Variants in DIAPH3 observed in about 807,000 individuals in gnomAD.
DIAPH3 encodes protein diaphanous homolog 3.
In DIAPH3, 117 loss-of-function variants were observed where a neutral mutation model predicts 144.3. The ratio of observed to expected loss-of-function variants is 0.81; its 90% CI spans 0.70 to 0.95. The LOEUF is 0.95. Ranked by LOEUF, DIAPH3 falls within the 40% of genes least tolerant of loss-of-function variation. The pLI is 0.00. For synonymous variants in DIAPH3, 519 were observed against 488.9 expected (o/e 1.06, Z -0.81); for missense variants, 1,421 against 1,412.7 (o/e 1.01, Z -0.09).
At chr13:60,023,307 T>C (rs2054151245) in intron 5 of DIAPH3, among the ~76,000 whole-genome samples, 1 of 152,222 alleles carries the variant, frequency 6.6e-6, no homozygotes, top group African/African-American at 2.4e-5. Context: ...TTGAGTTGTA[T>C]ATTTAAAGTT....
At chr13:60,123,932 T>C (rs538421988) in intron 2 of DIAPH3, among the ~76,000 whole-genome samples, 1 of 152,356 alleles carries the variant, frequency 6.6e-6, no homozygotes, top group Admixed American at 6.5e-5. Flanking sequence ...TATGTTCTAT[T>C]ACTTGACTTT....
intron 25 of DIAPH3, among the ~76,000 whole-genome samples, chr13:59,803,294 G>A (rs1371322672): frequency 1.3e-5 from 2 of 152,058 alleles, no homozygotes; most frequent in Non-Finnish European, 2.9e-5. Context: ...GATTTCTTTG[G>A]TAAAATTCTT....
intron 5 of DIAPH3, among the ~76,000 whole-genome samples, chr13:60,036,786 A>G (rs989995002): frequency 3.3e-5 from 5 of 152,128 alleles, no homozygotes; most frequent in Non-Finnish European, 5.9e-5. Flanking sequence ...TCTAAAAAAC[A>G]TATCCAGAAT....
intron 17 of DIAPH3, among the ~76,000 whole-genome samples, chr13:59,966,445 AAAGATTAAAC>A (rs891333398): frequency 6.6e-5 from 10 of 152,080 alleles, no homozygotes; most frequent in Non-Finnish European, 1.2e-4. Flanking sequence ...GAGATACACT[AAAGATTAAAC>A]AAGATAATAT....
chr13:60,008,677 T>A, intron 8 of DIAPH3, 28 bp from the exon 9 acceptor site: 1 of 1,414,858 alleles, frequency 7.1e-7, no homozygotes, highest in Non-Finnish European at 1.0e-6. Flanking sequence ...TCAATTAAAT[T>A]GCAAGTAGCA....
At chr13:59,730,285 G>C (rs2035832934) in intron 27 of DIAPH3, among the ~76,000 whole-genome samples, 1 of 152,122 alleles carries the variant, frequency 6.6e-6, no homozygotes, top group Admixed American at 6.5e-5. Flanking sequence ...TTATGTGCCT[G>C]GTTTCTGGCA....
At chr13:59,911,001 G>A (rs1201301558) in intron 20 of DIAPH3, among the ~76,000 whole-genome samples, 9 of 151,408 alleles carry the variant, frequency 5.9e-5, no homozygotes, top group African/African-American at 2.2e-4. Flanking sequence ...TCCTGGCCCT[G>A]GAGATTATTA....
chr13:59,993,564 T>G (rs944561470), intron 9 of DIAPH3, among the ~76,000 whole-genome samples: 26 of 151,602 alleles, frequency 1.7e-4, no homozygotes, highest in African/African-American at 6.3e-4. Context: ...TTCCTGCTGT[T>G]TGAAATATAT....
chr13:59,982,251 A>T (rs1230220419), intron 13 of DIAPH3, among the ~76,000 whole-genome samples: 1 of 151,516 alleles, frequency 6.6e-6, no homozygotes, highest in Non-Finnish European at 1.5e-5. Context: ...ATGGTGTTCA[A>T]ATATTTTATT....
At chr13:59,729,552 T>C (rs2035777871) in intron 27 of DIAPH3, among the ~76,000 whole-genome samples, 1 of 152,082 alleles carries the variant, frequency 6.6e-6, no homozygotes, top group South Asian at 2.1e-4. Flanking sequence ...GAGATCTTTG[T>C]GGTACTGAAA....
intron 27 of DIAPH3, among the ~76,000 whole-genome samples, chr13:59,687,721 A>G (rs143649940): frequency 6.6e-6 from 1 of 152,236 alleles, no homozygotes; most frequent in East Asian, 1.9e-4. Context: ...GTTCAGAGAG[A>G]CAATGAACCA....
chr13:60,103,242 A>G lies in DIAPH3; in HGVS notation c.390+8768T>C, dbSNP rs565401119. 7.2e-5 allele frequency among the ~76,000 whole-genome samples: 11 copies of G among 152,164 alleles called. No homozygotes were observed. In the South Asian group the frequency reaches 2.3e-3, roughly 32 times the overall value. ...AAGGCACAATCAAGCAGAGAACAGC[A>G]ATGAGAGAGTGGACATTTTTCCAAC... On this transcript the variant is annotated intron_variant, in intron 3 of 27. Coordinates refer to ENST00000400324, the MANE Select transcript of DIAPH3 (RefSeq NM_001042517.2).
chr13:60,028,307 A>G (rs1249989151), intron 5 of DIAPH3, among the ~76,000 whole-genome samples: 1 of 152,050 alleles, frequency 6.6e-6, no homozygotes, highest in African/African-American at 2.4e-5. Context: ...GGCTTCTACC[A>G]CCAAGACTCC....
At chr13:59,723,562 A>G (rs2035452133) in intron 27 of DIAPH3, among the ~76,000 whole-genome samples, 1 of 151,582 alleles carries the variant, frequency 6.6e-6, no homozygotes, top group South Asian at 2.1e-4. Context: ...TTTGTCGTAC[A>G]CTGTCTAAAG....
At chr13:59,749,209 CAAAAAA>C (rs71197276) in intron 27 of DIAPH3, among the ~76,000 whole-genome samples, 8 of 25,108 alleles carry the variant, frequency 3.2e-4, no homozygotes, top group Middle Eastern at 0.038. Flanking sequence ...GACTCTGTCT[CAAAAAA>C]AAAAAAAAAA....
intron 17 of DIAPH3, among the ~76,000 whole-genome samples, chr13:59,931,884 T>A (rs192378083): frequency 1.3e-5 from 2 of 152,350 alleles, no homozygotes; most frequent in Non-Finnish European, 2.9e-5. Context: ...AAGAGGCAGC[T>A]GGACATACAG....
chr13:59,840,464 G>GT (rs1042826390), intron 22 of DIAPH3, among the ~76,000 whole-genome samples: 130 of 147,536 alleles, frequency 8.8e-4, no homozygotes, highest in Admixed American at 2.0e-3. Context: ...AAACTGAGTT[G>GT]TTTTTTTTTT....
chr13:59,905,342 C>CAAAAAAA (rs59114311), intron 20 of DIAPH3, among the ~76,000 whole-genome samples: 1 of 69,756 alleles, frequency 1.4e-5, no homozygotes, highest in Non-Finnish European at 2.4e-5. Context: ...GACTCTGTCT[C>CAAAAAAA]AAAAAAAAAA....
At chr13:60,084,570 T>A (rs192682784) in intron 4 of DIAPH3, among the ~76,000 whole-genome samples, 1 of 151,768 alleles carries the variant, frequency 6.6e-6, no homozygotes, top group East Asian at 1.9e-4. Context: ...GGTTTTAAAC[T>A]CACCAAAGTA....
Sources: allele counts gnomAD v4.1 joint callset (sites outside exome capture counted in the v4.1 genomes callset), GRCh38; gene constraint gnomAD v4.1.1; transcripts MANE v1.5; gene names NCBI Gene and HGNC (gene_info 2026-07-23, HGNC 2026-07-21).